HDX: variants seen among roughly 807,000 people sequenced by gnomAD.
HDX encodes the protein chromosome X open reading frame 43.
Under a neutral mutation model 45.2 loss-of-function variants are expected in HDX, and 19 were observed. That is an observed-to-expected ratio of 0.42 (90% CI 0.29 to 0.62). The LOEUF (loss-of-function observed/expected upper bound fraction) is 0.62. Ranked by LOEUF, HDX falls within the 20% of genes least tolerant of loss-of-function variation. The pLI is 0.20. For synonymous variants in HDX, 188 were observed against 172.8 expected (o/e 1.09, Z -0.69); for missense variants, 532 against 493.9 (o/e 1.08, Z -0.73).
At chrX:84,370,008 G>A (rs66746830) in intron 5 of HDX, among the ~76,000 whole-genome samples, 18,694 of 111,520 alleles carry the variant, frequency 0.17, 2,860 homozygotes, top group African/African-American at 0.49. Context: ...TTGTGAAGAT[G>A]TTTCTGAATT....
At chrX:84,471,027 A>C (rs2040444928) in intron 3 of HDX, among the ~76,000 whole-genome samples, 1 of 111,934 alleles carries the variant, frequency 8.9e-6, no homozygotes, top group South Asian at 3.6e-4. Flanking sequence ...AAAATAAATG[A>C]AAAATGAAAA....
intron 5 of HDX, among the ~76,000 whole-genome samples, chrX:84,407,506 T>C (rs962910028): frequency 9.0e-6 from 1 of 111,161 alleles, no homozygotes; most frequent in African/African-American, 3.3e-5. Context: ...TTGTGAAGAG[T>C]GCTGCAATGA....
At chrX:84,473,642 C>T (rs926749888) in intron 3 of HDX, among the ~76,000 whole-genome samples, 1 of 110,862 alleles carries the variant, frequency 9.0e-6, no homozygotes, top group Non-Finnish European at 1.9e-5. Context: ...TCTCAATATT[C>T]AATCACAATC....
intron 5 of HDX, among the ~76,000 whole-genome samples, chrX:84,367,362 A>C (rs1184251479): frequency 1.8e-5 from 2 of 112,331 alleles, no homozygotes; most frequent in Non-Finnish European, 3.8e-5. Flanking sequence ...CAGATGCTGG[A>C]GAGGATGTGA....
At chrX:84,337,241 C>T (rs1360093704) in intron 7 of HDX, among the ~76,000 whole-genome samples, 4 of 110,210 alleles carry the variant, frequency 3.6e-5, no homozygotes, top group Non-Finnish European at 5.7e-5. Context: ...GGTTTACTGG[C>T]AAGTGAAAAA....
chrX:84,496,324 T>C (rs1260329124), intron 1 of HDX, among the ~76,000 whole-genome samples: 1 of 111,823 alleles, frequency 8.9e-6, no homozygotes, highest in Non-Finnish European at 1.9e-5. Context: ...GTCTCTGTTG[T>C]ACAGGAAGTA....
intron 9 of HDX, among the ~76,000 whole-genome samples, chrX:84,326,934 T>G (rs1438189408): frequency 9.3e-6 from 1 of 107,443 alleles, no homozygotes; most frequent in African/African-American, 3.4e-5. Flanking sequence ...AAAAAAAGAT[T>G]AGGAATAGAT....
intron 5 of HDX, among the ~76,000 whole-genome samples, chrX:84,434,688 T>A (rs1875236661): frequency 8.9e-6 from 1 of 111,732 alleles, no homozygotes. Context: ...CCACATAGAA[T>A]ATGATAGGAA....
At chrX:84,367,051 A>G (rs1211040923) in intron 5 of HDX, among the ~76,000 whole-genome samples, 5 of 112,059 alleles carry the variant, frequency 4.5e-5, no homozygotes, top group Non-Finnish European at 9.4e-5. Context: ...CTATCCTCAG[A>G]GTGAACAGGC....
At chrX:84,376,282 C>T (rs2038054919) in intron 5 of HDX, among the ~76,000 whole-genome samples, 1 of 112,310 alleles carries the variant, frequency 8.9e-6, no homozygotes, top group Non-Finnish European at 1.9e-5. Context: ...GACTTTCTGG[C>T]TTCAGGTGAG....
chrX:84,405,668 G>T (rs1055746519), intron 5 of HDX, among the ~76,000 whole-genome samples: 1 of 97,495 alleles, frequency 1.0e-5, no homozygotes, highest in African/African-American at 3.9e-5. Flanking sequence ...ATATATATGT[G>T]TGTGTGTGTG....
At chrX:84,410,032 G>A (rs747767645) in intron 5 of HDX, among the ~76,000 whole-genome samples, 2 of 91,008 alleles carry the variant, frequency 2.2e-5, no homozygotes, top group African/African-American at 8.4e-5. Context: ...CAGCCTGGGT[G>A]ACAGAGCAAG....
chrX:84,364,160 T>C (rs2037685579), intron 5 of HDX, among the ~76,000 whole-genome samples: 1 of 111,468 alleles, frequency 9.0e-6, no homozygotes, highest in African/African-American at 3.3e-5. Flanking sequence ...AGTATGTATC[T>C]TGGTTAAATG....
At chrX:84,416,486 C>T (rs1012335060) in intron 5 of HDX, among the ~76,000 whole-genome samples, 2 of 111,449 alleles carry the variant, frequency 1.8e-5, no homozygotes, top group African/African-American at 3.3e-5. Context: ...TCATTTGTCA[C>T]AATTGCCATT....
intron 2 of HDX, among the ~76,000 whole-genome samples, chrX:84,482,696 TC>T (rs1286726676): frequency 9.0e-6 from 1 of 110,840 alleles, no homozygotes; most frequent in Non-Finnish European, 1.9e-5. Flanking sequence ...CTCTGGCCCT[TC>T]CCAAATCTCA....
chrX:84,398,695 C>T (rs750859936), intron 5 of HDX, among the ~76,000 whole-genome samples: 111 of 111,935 alleles, frequency 9.9e-4, no homozygotes, highest in Middle Eastern at 4.6e-3. Flanking sequence ...AGGACGTGAA[C>T]TCAGTTCTGG....
chrX:84,378,220 C>A, intron 5 of HDX, among the ~76,000 whole-genome samples: 1 of 111,687 alleles, frequency 9.0e-6, no homozygotes, highest in Non-Finnish European at 1.9e-5. Context: ...CTGAGGGTTT[C>A]ATTAACGCGA....
chrX:84,331,915 C>G (rs957028370), intron 9 of HDX, among the ~76,000 whole-genome samples: 1 of 111,520 alleles, frequency 9.0e-6, no homozygotes, highest in Admixed American at 9.6e-5. Flanking sequence ...ATGTTTTGCA[C>G]AATGACAAAA....
chrX:84,403,737 G>C (rs376525371), intron 5 of HDX, among the ~76,000 whole-genome samples: 1 of 111,815 alleles, frequency 8.9e-6, no homozygotes, highest in East Asian at 2.8e-4. Flanking sequence ...TATAAACTAA[G>C]CTGTTTCAAC....
Sources: gnomAD v4.1 joint callset for allele counts (sites outside exome capture counted in the v4.1 genomes callset) on GRCh38, gnomAD v4.1.1 for gene constraint, MANE v1.5 for transcripts, NCBI Gene and HGNC (gene_info 2026-07-23, HGNC 2026-07-21) for gene names.